The following PAPSS2 variants were observed in gnomAD, a reference collection of about 807,000 sequenced individuals.
PAPSS2 encodes the protein bifunctional 3'-phosphoadenosine 5'-phosphosulfate synthase 2.
Under a neutral mutation model 66.5 loss-of-function variants are expected in PAPSS2, and 61 were observed. The ratio of observed to expected loss-of-function variants is 0.92; its 90% confidence interval spans 0.75 to 1.14. The LOEUF is 1.14. Ranked by LOEUF, PAPSS2 falls within the 50% of genes most tolerant of loss-of-function variation. The pLI is 0.00. For synonymous variants in PAPSS2, 289 were observed against 287.5 expected (o/e 1.01, Z -0.05); for missense variants, 708 against 789.6 (o/e 0.90, Z 1.24).
rs781387318 is a variant in PAPSS2, at chr10:87,686,155, T to TC, written c.28-23040dup. ...GATGGAAGGTGGTTTTTTTTTTTTTTCAGTAACAAAGGTAGTTGTGTATGT... is the reference window on the plus strand; with the variant it reads ...GATGGAAGGTGGTTTTTTTTTTTTTTCCAGTAACAAAGGTAGTTGTGTATGT... On this transcript the variant is annotated intron_variant, in intron 1 of 12. Transcript: ENST00000456849. Among the ~76,000 whole-genome samples, 164 of 151,630 alleles carry TC rather than the reference T, an allele frequency of 1.1e-3. 1 individual carries two copies. Among genetic ancestry groups the TC allele is most frequent in the Non-Finnish European group, 1.8e-3 (123 of 67,856 alleles).
At chr10:87,741,957 T>G (rs1003210099) in intron 10 of PAPSS2, among the ~76,000 whole-genome samples, 2 of 151,028 alleles carry the variant, frequency 1.3e-5, no homozygotes, top group African/African-American at 4.9e-5. Context: ...TGGGTCTCAC[T>G]ATGTTTTCCA....
At chr10:87,706,475 G>A (rs1286489556) in intron 1 of PAPSS2, among the ~76,000 whole-genome samples, 4 of 151,692 alleles carry the variant, frequency 2.6e-5, no homozygotes, top group African/African-American at 9.7e-5. Flanking sequence ...ACCTTCAGGG[G>A]ACTGGACATG....
Position 87,714,842 on chromosome 10 carries a change from A to G in PAPSS2, c.618A>G (p.Val206=), listed in dbSNP as rs937642790. 2 of 1,607,350 alleles carry G rather than the reference A, an allele frequency of 1.2e-6. No homozygotes were observed. The highest frequency in any genetic ancestry group is 1.7e-6 in the Non-Finnish European group (2 of 1,173,832). Residue 206 remains valine, a synonymous_variant, in exon 5 of 13, where the codon GTA becomes GTG. Transcript: ENST00000456849. ...LSTVSDCVHQ[V]VELLQEQNIV... ...CAGTGAGTGACTGTGTCCACCAGGT[A>G]GTGGAACTTCTGCAAGAGCAGGTAG...
chr10:87,738,928 C>A (rs1853833246), intron 9 of PAPSS2, among the ~76,000 whole-genome samples: 1 of 151,926 alleles, frequency 6.6e-6, no homozygotes, highest in African/African-American at 2.4e-5. Context: ...GGATATTAAC[C>A]CCTTATCAGA....
At position 87,725,912 on chromosome 10, in the gene PAPSS2, C is replaced by CACACACACACACACAT. The variant is rs1308261707; in HGVS notation, c.881-1369_881-1368insCACACACACACATACA. Among the ~76,000 whole-genome samples the CACACACACACACACAT allele has an allele frequency of 3.3e-5, 5 of 151,740 alleles. No homozygotes were observed. In the South Asian group the frequency reaches 1.0e-3, roughly 32 times the overall value. On this transcript the variant is annotated intron_variant, in intron 8 of 12. Transcript: ENST00000456849. Reference sequence around the variant, plus strand: ...ACACACACACACACACACACACACACACATATTTTTTGGTAGAGATGAGGT... The same window carrying CACACACACACACACAT: ...ACACACACACACACACACACACACACACACACACACACACATACATATTTTTTGGTAGAGATGAGGT...
intron 1 of PAPSS2, among the ~76,000 whole-genome samples, chr10:87,674,287 T>G (rs1852917322): frequency 6.6e-6 from 1 of 152,132 alleles, no homozygotes; most frequent in South Asian, 2.1e-4. Context: ...GCCTCAGCTC[T>G]CTGAGTAGCT....
At chr10:87,684,598 TTA>T (rs1853064782) in intron 1 of PAPSS2, among the ~76,000 whole-genome samples, 1 of 152,218 alleles carries the variant, frequency 6.6e-6, no homozygotes, top group African/African-American at 2.4e-5. Context: ...AGATGCATCC[TTA>T]GTGTTGTGCG....
intron 1 of PAPSS2, among the ~76,000 whole-genome samples, chr10:87,706,108 A>ATATATATATATATATGTGTGTG: frequency 2.1e-4 from 11 of 52,014 alleles, no homozygotes; most frequent in African/African-American, 9.0e-4. Context: ...ATATATATAT[A>ATATATATATATATATGTGTGTG]TGTGTGTGTG....
intron 1 of PAPSS2, among the ~76,000 whole-genome samples, chr10:87,689,505 AAATAC>A (rs1853140554): frequency 6.6e-6 from 1 of 151,726 alleles, no homozygotes; most frequent in Non-Finnish European, 1.5e-5. Context: ...CGTCTCTACT[AAATAC>A]AAAAAATTAG....
chr10:87,666,138 A>G (rs1360498813), intron 1 of PAPSS2, among the ~76,000 whole-genome samples: 2 of 151,574 alleles, frequency 1.3e-5, no homozygotes, highest in Middle Eastern at 3.4e-3. Context: ...TAATTTTTGT[A>G]TTTTTAGTTG....
At chr10:87,673,170 A>G (rs982920572) in intron 1 of PAPSS2, among the ~76,000 whole-genome samples, 1 of 152,240 alleles carries the variant, frequency 6.6e-6, no homozygotes, top group Non-Finnish European at 1.5e-5. Flanking sequence ...GCTGTACTTC[A>G]TGAGCCCCAT....
intron 8 of PAPSS2, among the ~76,000 whole-genome samples, chr10:87,723,126 ACATTTTGCTTTG>A (rs1368314738): frequency 1.3e-5 from 2 of 152,222 alleles, no homozygotes; most frequent in Admixed American, 6.5e-5. Context: ...ACCCTGCTCC[ACATTTTGCTTTG>A]CATTTTGCTT....
intron 7 of PAPSS2, among the ~76,000 whole-genome samples, chr10:87,719,163 G>C (rs1023203369): frequency 6.6e-6 from 1 of 152,174 alleles, no homozygotes; most frequent in Non-Finnish European, 1.5e-5. Flanking sequence ...ATGATGTGCT[G>C]CCCACCCCTA....
At chr10:87,736,263 C>CTTTTTTTT (rs10553485) in intron 9 of PAPSS2, among the ~76,000 whole-genome samples, 179 of 103,176 alleles carry the variant, frequency 1.7e-3, no homozygotes, top group Non-Finnish European at 2.6e-3. Context: ...TTCTTTCTTT[C>CTTTTTTTT]TTTTTTTTTT....
At chr10:87,662,571 A>G (rs1272545879) in intron 1 of PAPSS2, among the ~76,000 whole-genome samples, 14 of 45,058 alleles carry the variant, frequency 3.1e-4, no homozygotes, top group African/African-American at 1.1e-3. Context: ...CCCACCCCCT[A>G]TACACACACA....
chr10:87,728,024 G>A (rs1242513864), intron 9 of PAPSS2, among the ~76,000 whole-genome samples: 1 of 152,066 alleles, frequency 6.6e-6, no homozygotes, highest in Non-Finnish European at 1.5e-5. Flanking sequence ...AGTTTCCAGA[G>A]GAAAGATATT....
rs1217059367 is a variant in PAPSS2 at position 87,746,029 on chromosome 10, G to C, written c.*59G>C. On this transcript the variant is annotated 3_prime_UTR_variant, in exon 13 of 13. Transcript: ENST00000456849. ...CTTTGATTACCTTTTCTATTTTTAT[G>C]ATTAGATGCTTTGTATTAAATTGCT... 3 of 1,509,798 alleles carry C rather than the reference G, an allele frequency of 2.0e-6. No homozygotes were observed. The African/African-American group carries it at 4.1e-5, about 21-fold the overall frequency. 93.5% of individuals were successfully genotyped at this position (1,509,798 alleles called of 1,614,324 possible).
intron 9 of PAPSS2, among the ~76,000 whole-genome samples, chr10:87,739,191 G>A (rs548923245): frequency 1.4e-4 from 22 of 152,288 alleles, no homozygotes; most frequent in African/African-American, 4.8e-4. Flanking sequence ...TGTATGTGGT[G>A]TAAGATAAGG....
At chr10:87,691,028 T>C (rs1289303101) in intron 1 of PAPSS2, among the ~76,000 whole-genome samples, 2 of 152,158 alleles carry the variant, frequency 1.3e-5, no homozygotes, top group African/African-American at 4.8e-5. Flanking sequence ...CAAGAGTTTC[T>C]ATCTTTCTAC....
Sources: allele counts gnomAD v4.1 joint callset (sites outside exome capture counted in the v4.1 genomes callset), GRCh38; gene constraint gnomAD v4.1.1; transcripts MANE v1.5; gene names NCBI Gene and HGNC (gene_info 2026-07-23, HGNC 2026-07-21).